The following TMEM233 variants were observed in gnomAD, a reference collection of about 807,000 sequenced individuals.
The protein encoded by TMEM233 is transmembrane protein 233, also known as dispanin subfamily B member 2.
TMEM233 carries 6 observed loss-of-function variants against 11.2 expected under a neutral mutation model. That is an observed-to-expected ratio of 0.54 (90% CI 0.29 to 1.06). TMEM233 has a LOEUF of 1.06. Ranked by LOEUF, TMEM233 falls within the 50% of genes least tolerant of loss-of-function variation. TMEM233 has a pLI of 0.08. For synonymous variants in TMEM233, 59 were observed against 55.8 expected (o/e 1.06, Z -0.26); for missense variants, 127 against 144.7 (o/e 0.88, Z 0.63).
chr12:119,640,469 G>GT (rs1278248999), intron 2 of TMEM233, among the ~76,000 whole-genome samples: 1 of 152,122 alleles, frequency 6.6e-6, no homozygotes, highest in East Asian at 1.9e-4. Context: ...TTTTGCTTTT[G>GT]TTTTTTTGCA....
intron 2 of TMEM233, among the ~76,000 whole-genome samples, chr12:119,637,755 A>G (rs548861184): frequency 1.4e-4 from 21 of 152,180 alleles, no homozygotes; most frequent in Non-Finnish European, 2.9e-4. Context: ...GCAACAATGG[A>G]AGAATTTTTG....
At chr12:119,640,151 T>TTGTTG (rs1375488429) in intron 2 of TMEM233, among the ~76,000 whole-genome samples, 8 of 64,298 alleles carry the variant, frequency 1.2e-4, no homozygotes, top group Non-Finnish European at 2.7e-4. Flanking sequence ...TTGTTTGTTG[T>TTGTTG]TGTTGTTTTG....
chr12:119,635,848 A>G (rs1226222534), intron 2 of TMEM233, among the ~76,000 whole-genome samples: 1 of 152,242 alleles, frequency 6.6e-6, no homozygotes, highest in Non-Finnish European at 1.5e-5. Flanking sequence ...TACAAAGGAT[A>G]TTACAAAGGA....
At chr12:119,632,234 G>A (rs1215325328) in intron 2 of TMEM233, among the ~76,000 whole-genome samples, 1 of 152,142 alleles carries the variant, frequency 6.6e-6, no homozygotes, top group East Asian at 1.9e-4. Context: ...GAGGTAGATA[G>A]GTATTATTAT....
At chr12:119,632,590 C>G (rs78759225) in intron 2 of TMEM233, among the ~76,000 whole-genome samples, 1 of 152,086 alleles carries the variant, frequency 6.6e-6, no homozygotes, top group East Asian at 1.9e-4. Context: ...CATGAGGTAG[C>G]CTGGTTATAG....
At chr12:119,618,865 G>T (rs373055640) in intron 1 of TMEM233, among the ~76,000 whole-genome samples, 1 of 152,174 alleles carries the variant, frequency 6.6e-6, no homozygotes, top group African/African-American at 2.4e-5. Context: ...GACTTAGGGG[G>T]ACTGTTGGAA....
At chr12:119,618,650 G>T (rs1477033777) in intron 1 of TMEM233, among the ~76,000 whole-genome samples, 1 of 152,190 alleles carries the variant, frequency 6.6e-6, no homozygotes, top group African/African-American at 2.4e-5. Flanking sequence ...TTGGATTTTG[G>T]ACTTGCATGG....
At chr12:119,631,778 C>T (rs894253795) in intron 2 of TMEM233, 25 of 418,114 alleles carry the variant, frequency 6.0e-5, no homozygotes, top group African/African-American at 5.2e-4. Context: ...TCCTGAACCT[C>T]AGTTTCCTCA....
At chr12:119,644,842 TA>T (rs1955131044), downstream of TMEM233, among the ~76,000 whole-genome samples, 1 of 152,128 alleles carries the variant, frequency 6.6e-6, no homozygotes, top group East Asian at 1.9e-4. Flanking sequence ...CTCTGACCAG[TA>T]TTTATAGAGC....
intron 1 of TMEM233, among the ~76,000 whole-genome samples, chr12:119,607,951 G>C (rs1471765514): frequency 6.6e-6 from 1 of 152,098 alleles, no homozygotes; most frequent in African/African-American, 2.4e-5. Flanking sequence ...TATCATTCCA[G>C]ACCTGAAATG....
At position 119,593,929 on chromosome 12, in the gene TMEM233, C is replaced by G. The variant is rs750433707; in HGVS notation, c.81C>G (p.Thr27=). The change falls in exon 1 of 3, where the codon ACC becomes ACG. Residue 27 remains threonine, a synonymous_variant. Transcript: ENST00000426426. This position sits in a 1 kb window ranked among gnomAD's most constrained non-coding sequence, Gnocchi z 4.1. ...AGGCCAACACTGAAGATGACAAGAC[C>G]GAGGAGGACGTGCCCATGCCCAAGA... is the stretch of plus-strand genomic sequence containing the variant. ...SPEANTEDDK[T]EEDVPMPKNY... 6.4e-7 allele frequency: 1 copy of G among 1,551,740 alleles called. No individual in the cohort carries two copies. Among genetic ancestry groups the G allele is most frequent in the South Asian group, 1.2e-5 (1 of 84,064 alleles).
intron 1 of TMEM233, among the ~76,000 whole-genome samples, chr12:119,605,531 C>G (rs1399339550): frequency 6.7e-6 from 1 of 149,044 alleles, no homozygotes. Flanking sequence ...CAGGCTAAGT[C>G]GATCCTCCCA....
intron 1 of TMEM233, among the ~76,000 whole-genome samples, chr12:119,602,840 A>C (rs1593278038): frequency 6.6e-6 from 1 of 152,326 alleles, no homozygotes; most frequent in East Asian, 1.9e-4. Context: ...ATATGTGGGG[A>C]TAGAGATAAA....
the TMEM233 span, among the ~76,000 whole-genome samples, chr12:119,648,248 TTTAC>T: frequency 6.6e-6 from 1 of 152,152 alleles, no homozygotes; most frequent in African/African-American, 2.4e-5. Flanking sequence ...TATTTAACTG[TTTAC>T]TTATTTATTA....
In TMEM233 at chr12:119,640,870, A is replaced by AAG; in HGVS notation, c.*166_*167insGA. On this transcript the variant is annotated 3_prime_UTR_variant, in exon 3 of 3. Transcript: ENST00000426426. Reference sequence around the variant, plus strand: ...CAAATGAACAAGAAAAAAAAAAAAAAAAAGTCCAAAATTTAGGCAATCCAA... The same window carrying AAG: ...CAAATGAACAAGAAAAAAAAAAAAAAAGAAAGTCCAAAATTTAGGCAATCCAA... 1 of 770,906 alleles carries AAG rather than the reference A, an allele frequency of 1.3e-6. No individual in the cohort carries two copies. The highest frequency in any genetic ancestry group is 1.9e-6 in the Non-Finnish European group (1 of 517,916). The allele number at this position is 770,906 out of a possible 1,614,324, so 47.8% of individuals were successfully genotyped here. A position where few individuals can be genotyped will look rare whatever the true frequency, so the allele number is the denominator to read the frequency against.
intron 1 of TMEM233, among the ~76,000 whole-genome samples, chr12:119,620,079 T>TGTGG (rs1436831977): frequency 3.9e-5 from 6 of 152,208 alleles, no homozygotes; most frequent in African/African-American, 1.4e-4. Flanking sequence ...CCAGGCACTG[T>TGTGG]GTGGGTCATG....
chr12:119,625,582 A>C (rs1954737684), intron 1 of TMEM233, among the ~76,000 whole-genome samples: 2 of 151,912 alleles, frequency 1.3e-5, no homozygotes, highest in African/African-American at 4.8e-5. Flanking sequence ...CTGTTGGGTG[A>C]CTCTCAGCCA....
intron 1 of TMEM233, among the ~76,000 whole-genome samples, chr12:119,618,957 C>T (rs948691083): frequency 6.8e-6 from 1 of 147,292 alleles, no homozygotes; most frequent in Non-Finnish European, 1.5e-5. Context: ...GCAGTGTCCT[C>T]ACCCAAATCT....
intron 1 of TMEM233, among the ~76,000 whole-genome samples, chr12:119,623,568 A>AAC (rs1282943561): frequency 2.6e-5 from 4 of 151,684 alleles, no homozygotes; most frequent in Non-Finnish European, 2.9e-5. Flanking sequence ...AAAAAAAAAA[A>AAC]AATTAGCTGG....
Sources: allele counts gnomAD v4.1 joint callset (sites outside exome capture counted in the v4.1 genomes callset), GRCh38; gene constraint gnomAD v4.1.1; non-coding constraint Gnocchi (gnomAD v3.1); transcripts MANE v1.5; gene names NCBI Gene and HGNC (gene_info 2026-07-23, HGNC 2026-07-21).